Variants in TSC1 observed in about 807,000 individuals in gnomAD.
TSC1 encodes hamartin.
Under a neutral mutation model 124.3 loss-of-function variants are expected in TSC1, and 20 were observed. The observed-to-expected ratio is 0.16, with a 90% CI of 0.11 to 0.23. The LOEUF is 0.23. TSC1 is among the 10% of genes least tolerant of loss of function. TSC1 has a pLI of 1.00. For synonymous variants in TSC1, 493 were observed against 539.1 expected (o/e 0.91, Z 1.19); for missense variants, 1,124 against 1,448.5 (o/e 0.78, Z 3.64).
rs994280646 is a variant in TSC1, at chr9:132,903,194, T to C, written c.2209-407A>G. ...TAACCATCACAACTTAAAGAGCAGG[T>C]GCTGCTATTGTTATTTCCATTTTAT... On this transcript the variant is annotated intron_variant, in intron 17 of 22. Coordinates refer to ENST00000298552, the MANE Select transcript of TSC1 (RefSeq NM_000368.5). This position sits in a 1 kb window ranked among gnomAD's most constrained non-coding sequence, Gnocchi z 5.9. 2.6e-5 allele frequency among the ~76,000 whole-genome samples: 4 copies of C among 152,204 alleles called. No homozygotes were observed. The highest frequency in any genetic ancestry group is 9.7e-5 in the African/African-American group (4 of 41,448).
intron 1 of TSC1, chr9:132,944,096 A>G (rs1392662340): frequency 6.5e-6 from 1 of 152,982 alleles, no homozygotes; most frequent in Non-Finnish European, 1.5e-5. Context: ...CCACGCCCCT[A>G]TACCCCGACC....
At chr9:132,900,568 G>T in intron 20 of TSC1, 147 bp downstream of exon 20, 1 of 1,350,304 alleles carries the variant, frequency 7.4e-7, no homozygotes, top group Non-Finnish European at 1.0e-6. Context: ...GAAAGTGCTT[G>T]TATAGCTGGA....
intron 4 of TSC1, 164 bp downstream of exon 4, chr9:132,927,037 C>T (rs1846903458): frequency 1.4e-6 from 1 of 692,800 alleles, no homozygotes; most frequent in South Asian, 1.6e-5. Context: ...AATCATGGGT[C>T]CTACAAAGTA....
intron 8 of TSC1, among the ~76,000 whole-genome samples, chr9:132,913,934 T>C (rs1846125843): frequency 7.8e-6 from 1 of 128,642 alleles, no homozygotes; most frequent in East Asian, 2.8e-4. Context: ...AGTCTCACTC[T>C]GTCACCCAGG....
In TSC1 at chr9:132,896,464, C is replaced by T. The variant is rs762845573; in HGVS notation, c.3266G>A (p.Gly1089Asp). 6.2e-7 allele frequency: 1 copy of T among 1,614,216 alleles called. No homozygotes were observed. The highest frequency in any genetic ancestry group is 8.5e-7 in the Non-Finnish European group (1 of 1,180,036). Residue 1089 changes from glycine (G) to aspartate (D), a missense_variant, in exon 23 of 23, where the codon GGT (glycine) becomes GAT (aspartate). Gly to Asp is a moderately conservative substitution (Grantham distance 94). Transcript: ENST00000298552. This position sits in a 1 kb window ranked among gnomAD's most constrained non-coding sequence, Gnocchi z 4.5. ...ACGAAATAACTCTCGAGCCTTCATA[C>T]CCAGGAAGCTTTTTGAACTGGGAAG... is the stretch of plus-strand genomic sequence containing the variant. The part of the protein sequence containing the change: ...GSLPSSKSFL[G>D]MKARELFRNK...
rs114877981 is a variant in TSC1, at chr9:132,893,881, T to C, written c.*2354A>G. ...CACTGCAGCATGATCAAGTGACCTG[T>C]TGACTCTTGGCAGGTTTATCATGTC... On this transcript the variant is annotated 3_prime_UTR_variant, in exon 23 of 23. Coordinates refer to ENST00000298552, the MANE Select transcript of TSC1 (RefSeq NM_000368.5). 1.7e-3 allele frequency: 390 copies of C among 233,338 alleles called. 3 individuals carry two copies. The highest frequency in any genetic ancestry group is 7.5e-3 in the African/African-American group (341 of 45,476). The allele number at this position is 233,338 out of a possible 1,614,324, so 14.5% of individuals were successfully genotyped here.
intron 8 of TSC1, among the ~76,000 whole-genome samples, chr9:132,919,754 C>G (rs1846447927): frequency 6.6e-6 from 1 of 152,178 alleles, no homozygotes; most frequent in African/African-American, 2.4e-5. Context: ...GTACTAGGCA[C>G]AGACGAGAAC....
chr9:132,897,096 G>A, intron 22 of TSC1, 88 bp downstream of exon 22: 1 of 1,597,682 alleles, frequency 6.3e-7, no homozygotes. Context: ...CTAGTCAGCA[G>A]TAACTGCTTC....
chr9:132,928,863 G>A lies in TSC1; in HGVS notation c.10C>T (p.Gln4Ter), dbSNP rs753838459. 5 of 1,614,202 alleles carry A rather than the reference G, an allele frequency of 3.1e-6. No homozygotes were observed. Among genetic ancestry groups the A allele is most frequent in the South Asian group, 1.1e-5 (1 of 91,082 alleles). ...GCAAGAAGCTCCCCGACATTTGCTT[G>A]TTGGGCCATTCTCTCGCTCGAAGGC... is the stretch of plus-strand genomic sequence containing the variant. MAQ[Q>*]ANVGELLAML... The change falls in exon 3 of 23, where the codon CAA (glutamine) becomes TAA (stop). Residue 4 changes from glutamine (Q) to a stop codon, truncating the protein, a stop_gained. Coordinates refer to ENST00000298552, the MANE Select transcript of TSC1 (RefSeq NM_000368.5). LOFTEE classifies it high-confidence loss of function.
Position 132,935,087 on chromosome 9 carries a change from T to C in TSC1, c.-135A>G, listed in dbSNP as rs918185659. ...TCCAGTGCTGTCAACCTGGTGTCTT[T>C]CATGGTCACTGAAGGAAGAAAACAT... On this transcript the variant is annotated 5_prime_UTR_variant, in exon 2 of 23. Transcript: ENST00000298552. 1 of 399,090 alleles carries C rather than the reference T, an allele frequency of 2.5e-6. No homozygotes were observed. Among genetic ancestry groups the C allele is most frequent in the Non-Finnish European group, 4.4e-6 (1 of 226,066 alleles). 24.7% of individuals were successfully genotyped at this position (399,090 alleles called of 1,614,324 possible).
chr9:132,912,868 G>A (rs545460794), intron 8 of TSC1: 1 of 196,918 alleles, frequency 5.1e-6, no homozygotes, highest in Admixed American at 5.5e-5. Context: ...AAGGCCTCAG[G>A]TGTCAAATCC....
At position 132,902,506 on chromosome 9, in the gene TSC1, G is replaced by C; in HGVS notation, c.2391+99C>G. The C allele has an allele frequency of 7.1e-7, 1 of 1,417,728 alleles. No individual in the cohort carries two copies. The highest frequency in any genetic ancestry group is 9.9e-7 in the Non-Finnish European group (1 of 1,005,978). 87.8% of individuals were successfully genotyped at this position (1,417,728 alleles called of 1,614,324 possible). A position where few individuals can be genotyped will look rare whatever the true frequency, so the allele number is the denominator to read the frequency against. ...AGAGAAAAGCATTCAGCTTAGTAAA[G>C]CTGAACAAGTCAAGGACACCCAGGG... is the stretch of plus-strand genomic sequence containing the variant. On this transcript the variant is annotated intron_variant, in intron 18 of 22. Transcript: ENST00000298552. The surrounding 1 kb of genome is among the most constrained non-coding windows in gnomAD (Gnocchi z 5.2).
At chr9:132,897,084 G>A in intron 22 of TSC1, 100 bp downstream of exon 22, 1 of 1,571,692 alleles carries the variant, frequency 6.4e-7, no homozygotes, top group South Asian at 1.1e-5. Context: ...GTTGCAGCCT[G>A]TCTAGTCAGC....
chr9:132,893,847 A>C lies in TSC1; in HGVS notation c.*2388T>G, dbSNP rs563408425. 6 of 233,306 alleles carry C rather than the reference A, an allele frequency of 2.6e-5. No individual in the cohort carries two copies. Among genetic ancestry groups the C allele is most frequent in the African/African-American group, 1.1e-4 (5 of 45,450 alleles). The allele number at this position is 233,306 out of a possible 1,614,324, so 14.5% of individuals were successfully genotyped here. A position where few individuals can be genotyped will look rare whatever the true frequency, so the allele number is the denominator to read the frequency against. On this transcript the variant is annotated 3_prime_UTR_variant, in exon 23 of 23. Transcript: ENST00000298552. Reference sequence around the variant, plus strand: ...GTAATACTGTCACCTTTCCATCCTTAGAACTACCCACTGCAGCATGATCAA... The same window carrying C: ...GTAATACTGTCACCTTTCCATCCTTCGAACTACCCACTGCAGCATGATCAA...
At chr9:132,942,281 G>A (rs966519664) in intron 1 of TSC1, 4 of 152,188 alleles carry the variant, frequency 2.6e-5, no homozygotes, top group Non-Finnish European at 4.4e-5. Flanking sequence ...TCAACCTCCG[G>A]TGCACATAAG....
At position 132,906,933 on chromosome 9, in the gene TSC1, C is replaced by T. The variant is rs1209695638; in HGVS notation, c.1334-98G>A. 1.1e-6 allele frequency: 1 copy of T among 949,756 alleles called. No individual in the cohort carries two copies. The highest frequency in any genetic ancestry group is 1.6e-5 in the African/African-American group (1 of 61,778). The allele number at this position is 949,756 out of a possible 1,614,324, so 58.8% of individuals were successfully genotyped here. ...TGTATAGAATATGTCTGTAATAACT[C>T]TTCATGCTGAACAGAGAAGGCTGGA... is the stretch of plus-strand genomic sequence containing the variant. On this transcript the variant is annotated intron_variant, in intron 13 of 22. Coordinates refer to ENST00000298552, the MANE Select transcript of TSC1 (RefSeq NM_000368.5). The surrounding 1 kb of genome is among the most constrained non-coding windows in gnomAD (Gnocchi z 4.1).
chr9:132,912,222 C>A (rs954877479), intron 9 of TSC1, 60 bp downstream of exon 9: 2 of 1,600,312 alleles, frequency 1.2e-6, no homozygotes, highest in Admixed American at 1.7e-5. Flanking sequence ...TCAACAAAGA[C>A]AAATAATGTT....
In TSC1 at chr9:132,902,008, C is replaced by T; in HGVS notation, c.2392-309G>A. On this transcript the variant is annotated intron_variant, in intron 18 of 22. Coordinates refer to ENST00000298552, the MANE Select transcript of TSC1 (RefSeq NM_000368.5). The surrounding 1 kb of genome is among the most constrained non-coding windows in gnomAD (Gnocchi z 5.2). The stretch of plus-strand genomic sequence containing the variant: ...AAAGATTCTGAATTTTCGAGGGAGA[C>T]GCAGCGCCATCTGTTGGACACTCTG... The T allele has an allele frequency of 3.0e-6, 1 of 331,022 alleles. No individual in the cohort carries two copies. The highest frequency in any genetic ancestry group is 4.6e-5 in the Admixed American group (1 of 21,824). The allele number at this position is 331,022 out of a possible 1,614,324, so 20.5% of individuals were successfully genotyped here.
intron 1 of TSC1, chr9:132,940,864 A>G (rs1258547419): frequency 6.6e-6 from 1 of 152,210 alleles, no homozygotes; most frequent in Non-Finnish European, 1.5e-5. Flanking sequence ...CCATTGTATA[A>G]CTTAAAATGG....
Sources: gnomAD v4.1 joint callset for allele counts (sites outside exome capture counted in the v4.1 genomes callset) on GRCh38, gnomAD v4.1.1 for gene constraint, Gnocchi (gnomAD v3.1) non-coding constraint, MANE v1.5 for transcripts, NCBI Gene and HGNC (gene_info 2026-07-23, HGNC 2026-07-21) for gene names.